The following CACNA1H variants were observed in gnomAD, a reference collection of about 807,000 sequenced individuals.
CACNA1H encodes the protein calcium voltage-gated channel subunit alpha1 H.
A neutral mutation model predicts 192.5 loss-of-function variants in CACNA1H; 149 were observed. The ratio of observed to expected loss-of-function variants is 0.77; its 90% CI spans 0.68 to 0.89. The LOEUF is 0.89. Ranked by LOEUF, CACNA1H falls within the 40% of genes least tolerant of loss-of-function variation. The pLI is 0.00. For missense variants in CACNA1H, 4,257 were observed against 3,423.5 expected (o/e 1.24, Z -6.08); for synonymous variants, 2,202 against 1,475.2 (o/e 1.49, Z -11.29).
In CACNA1H at chr16:1,167,576, AC is replaced by A. The variant is rs1963925599; in HGVS notation, c.299+13542del. On this transcript the variant is annotated intron_variant, in intron 2 of 34. Transcript: ENST00000348261. This position sits in a 1 kb window ranked among gnomAD's most constrained non-coding sequence, Gnocchi z 4.2. ...GAGGAAGGCTGGAGCCACACTCCTC[AC>A]CGCGGCGGTGCCACTAATGGGGTTG... 6.6e-6 allele frequency among the ~76,000 whole-genome samples: 1 copy of A among 152,180 alleles called. No homozygotes were observed. The highest frequency in any genetic ancestry group is 1.5e-5 in the Non-Finnish European group (1 of 68,022).
chr16:1,220,119 C>T lies in CACNA1H; in HGVS notation c.6187C>T (p.Arg2063Trp), dbSNP rs373707854. ...GSLQSPPRSP[R>W]PASVRTRKHT... The stretch of plus-strand genomic sequence containing the variant: ...CCTGCAGTCCCCACCACGCTCCCCA[C>T]GGCCCGCCAGCGTCCGCACTCGTAA... The change falls in exon 35 of 35, where the codon CGG becomes TGG. Residue 2063 changes from arginine to tryptophan, a missense_variant. Transcript: ENST00000348261. 93 of 1,490,936 alleles carry T rather than the reference C, an allele frequency of 6.2e-5. No homozygotes were observed. The highest frequency in any genetic ancestry group is 3.8e-4 in the South Asian group (27 of 70,330). The allele number at this position is 1,490,936 out of a possible 1,614,324, so 92.4% of individuals were successfully genotyped here.
chr16:1,177,596 C>T (rs535853183), intron 2 of CACNA1H, among the ~76,000 whole-genome samples: 1 of 152,078 alleles, frequency 6.6e-6, no homozygotes, highest in African/African-American at 2.4e-5. Context: ...TGGGAGGGGG[C>T]GTCCTAGTGT....
chr16:1,213,927 C>G lies in CACNA1H; in HGVS notation c.4925C>G (p.Pro1642Arg). The change falls in exon 27 of 35, where the codon CCC becomes CGC. Residue 1642 changes from proline to arginine, a missense_variant. By Grantham distance (103) the Pro-to-Arg change is moderately radical (BLOSUM62 -2). Transcript: ENST00000348261. ...ITMSMEHYNQPKSLDEALKYC... is the reference protein window; with the variant it reads ...ITMSMEHYNQRKSLDEALKYC... Reference sequence around the variant, plus strand: ...ATGTCCATGGAGCACTATAACCAACCCAAGGTGGGTGCGAGGGGGCCGCGA... The same window carrying G: ...ATGTCCATGGAGCACTATAACCAACGCAAGGTGGGTGCGAGGGGGCCGCGA... 1 of 1,610,292 alleles carries G rather than the reference C, an allele frequency of 6.2e-7. No individual in the cohort carries two copies. Among genetic ancestry groups the G allele is most frequent in the Non-Finnish European group, 8.5e-7 (1 of 1,178,914 alleles).
chr16:1,198,347 T>C (rs529086140), intron 5 of CACNA1H, among the ~76,000 whole-genome samples: 2 of 152,048 alleles, frequency 1.3e-5, no homozygotes, highest in East Asian at 3.9e-4. Flanking sequence ...TGCCCTGGGA[T>C]GGTTGGAGGT....
At position 1,153,454 on chromosome 16, in the gene CACNA1H, C is replaced by G. The variant is rs1164267424; in HGVS notation, c.-35C>G. 1.2e-5 allele frequency: 2 copies of G among 172,716 alleles called. No homozygotes were observed. The highest frequency in any genetic ancestry group is 6.5e-5 in the Admixed American group (1 of 15,486). 10.7% of individuals were successfully genotyped at this position (172,716 alleles called of 1,614,324 possible). ...CCGGGCGATGCCCGCGGGGACGCCGCCGGCCAGCAGAGCGAGGTGAGACGC... is the reference window on the plus strand; with the variant it reads ...CCGGGCGATGCCCGCGGGGACGCCGGCGGCCAGCAGAGCGAGGTGAGACGC... On this transcript the variant is annotated 5_prime_UTR_variant, in exon 1 of 35. Coordinates refer to ENST00000348261, the MANE Select transcript of CACNA1H (RefSeq NM_021098.3).
chr16:1,177,636 G>A (rs1318209768), intron 2 of CACNA1H, among the ~76,000 whole-genome samples: 1 of 152,100 alleles, frequency 6.6e-6, no homozygotes, highest in Non-Finnish European at 1.5e-5. Flanking sequence ...TTCTGAGGAC[G>A]TGGTGGCCGG....
intron 33 of CACNA1H, 110 bp from the exon 34 acceptor site, chr16:1,218,860 G>A (rs1192417315): frequency 1.8e-5 from 24 of 1,298,164 alleles, no homozygotes; most frequent in Non-Finnish European, 2.6e-5. Context: ...GGTCGGGCTG[G>A]GGCTGGCCAG....
At chr16:1,212,165 G>A in intron 25 of CACNA1H, 27 bp downstream of exon 25, 1 of 1,587,266 alleles carries the variant, frequency 6.3e-7, no homozygotes, top group Non-Finnish European at 8.5e-7. Flanking sequence ...GGCGGTGGCG[G>A]TGGCGGGTCG....
chr16:1,218,545 G>T lies in CACNA1H; in HGVS notation c.5781G>T (p.Leu1927=). ...TGTCCGTGTCCAGGATGCTCTCGCT[G>T]CCCAACGACAGCTACATGTTCAGGC... The part of the protein sequence containing the change: ...RKVSVSRMLS[L]PNDSYMFRPV... Residue 1927 remains leucine (L), a synonymous_variant, in exon 33 of 35, where the codon CTG becomes CTT. Coordinates refer to ENST00000348261, the MANE Select transcript of CACNA1H (RefSeq NM_021098.3). The T allele has an allele frequency of 6.4e-7, 1 of 1,559,728 alleles. No individual in the cohort carries two copies. The highest frequency in any genetic ancestry group is 8.7e-7 in the Non-Finnish European group (1 of 1,152,296).
chr16:1,200,715 G>A lies in CACNA1H; in HGVS notation c.1120-1G>A. On this transcript the variant is annotated splice_acceptor_variant, in intron 7 of 34. Transcript: ENST00000348261. LOFTEE classifies it high-confidence loss of function. ...CCCAAGTCAAGCCACTGCCCCCCCA[G>A]GTGATCACGCTGGAAGGCTGGGTGG... The A allele has an allele frequency of 1.9e-6, 3 of 1,564,734 alleles. No individual in the cohort carries two copies. Among genetic ancestry groups the A allele is most frequent in the Non-Finnish European group, 2.6e-6 (3 of 1,154,700 alleles).
intron 12 of CACNA1H, 92 bp from the exon 13 acceptor site, chr16:1,206,909 T>TCCCCCCCCCCCCCCCCCC: frequency 7.7e-5 from 9 of 116,612 alleles, no homozygotes; most frequent in Admixed American, 3.0e-4. Flanking sequence ...GTCCTGCCCC[T>TCCCCCCCCCCCCCCCCCC]CCCTCCTCCC....
chr16:1,160,529 A>G (rs1042436456), intron 2 of CACNA1H, among the ~76,000 whole-genome samples: 8 of 152,148 alleles, frequency 5.3e-5, no homozygotes, highest in Admixed American at 1.3e-4. Context: ...TCCCCAGAGC[A>G]CTGTGCCCGC....
At chr16:1,174,404 TG>T (rs1207484122) in intron 2 of CACNA1H, among the ~76,000 whole-genome samples, 1 of 152,042 alleles carries the variant, frequency 6.6e-6, no homozygotes, top group East Asian at 1.9e-4. Context: ...GCTGCCAGGA[TG>T]GGGGGCTCCA....
In CACNA1H at chr16:1,195,448, T is replaced by A; in HGVS notation, c.428T>A (p.Ile143Asn). The A allele has an allele frequency of 5.8e-6, 9 of 1,558,450 alleles. No homozygotes were observed. The highest frequency in any genetic ancestry group is 7.8e-6 in the Non-Finnish European group (9 of 1,150,756). The change falls in exon 4 of 35, where the codon ATT becomes AAT. Residue 143 changes from isoleucine (I) to asparagine (N), a missense_variant. By Grantham distance (149) the Ile-to-Asn change is moderately radical (BLOSUM62 -3). Coordinates refer to ENST00000348261, the MANE Select transcript of CACNA1H (RefSeq NM_021098.3). ...CTCCCGCAGGCCTTTGACGCCTTCA[T>A]TTTCGCCTTTTTTGCGGTGGAGATG... is the stretch of plus-strand genomic sequence containing the variant. Reference protein sequence around the residue: ...CNILEAFDAFIFAFFAVEMVI... With the variant: ...CNILEAFDAFNFAFFAVEMVI...
At position 1,213,820 on chromosome 16, in the gene CACNA1H, G is replaced by A. The variant is rs373457518; in HGVS notation, c.4818G>A (p.Thr1606=). The change falls in exon 27 of 35, where the codon ACG becomes ACA. Residue 1606 remains threonine (T), a synonymous_variant. Transcript: ENST00000348261. The part of the protein sequence containing the change: ...RRPYYADYSP[T]RRSIHSLCTS... ...CCTACTATGCCGACTACTCGCCCACGCGCCGCTCCATTCACTCGCTGTGCA... is the reference window on the plus strand; with the variant it reads ...CCTACTATGCCGACTACTCGCCCACACGCCGCTCCATTCACTCGCTGTGCA... The A allele has an allele frequency of 1.3e-5, 20 of 1,585,660 alleles. No homozygotes were observed. The highest frequency in any genetic ancestry group is 6.7e-5 in the African/African-American group (5 of 74,454).
rs58198225 is a variant in CACNA1H, at chr16:1,201,710, G to A, written c.1260G>A (p.Thr420=). 3.1e-5 allele frequency: 50 copies of A among 1,609,250 alleles called. 1 individual carries two copies. The highest frequency in any genetic ancestry group is 5.0e-5 in the Admixed American group (3 of 59,838). ...MINLCLVVIA[T]QFSETKQRES... ...ACCTGTGCCTGGTGGTGATTGCCAC[G>A]CAGTTCTCGGAGACGAAGCAGCGGG... Residue 420 remains threonine, a synonymous_variant, in exon 9 of 35, where the codon ACG becomes ACA. Coordinates refer to ENST00000348261, the MANE Select transcript of CACNA1H (RefSeq NM_021098.3).
At chr16:1,198,887 C>A in intron 6 of CACNA1H, 113 bp downstream of exon 6, 1 of 989,180 alleles carries the variant, frequency 1.0e-6, no homozygotes. Flanking sequence ...GTGCAGTCAC[C>A]CGCCCCGCCA....
At chr16:1,201,314 G>A (rs1005735058) in intron 8 of CACNA1H, among the ~76,000 whole-genome samples, 3 of 152,140 alleles carry the variant, frequency 2.0e-5, no homozygotes, top group Non-Finnish European at 4.4e-5. Flanking sequence ...GCTGGTCCAT[G>A]CTAAGGAGGA....
intron 6 of CACNA1H, among the ~76,000 whole-genome samples, chr16:1,199,586 C>G (rs2059068165): frequency 6.6e-6 from 1 of 150,694 alleles, no homozygotes; most frequent in East Asian, 2.0e-4. Context: ...ACCCCAGAGT[C>G]CGTCACACCT....
Sources: allele counts gnomAD v4.1 joint callset (sites outside exome capture counted in the v4.1 genomes callset), GRCh38; gene constraint gnomAD v4.1.1; non-coding constraint Gnocchi (gnomAD v3.1); transcripts MANE v1.5; gene names NCBI Gene and HGNC (gene_info 2026-07-23, HGNC 2026-07-21).